The following USP21 variants were observed in gnomAD, a reference collection of about 807,000 sequenced individuals.
USP21 encodes the protein ubiquitin carboxyl-terminal hydrolase 21.
Under a neutral mutation model 70.8 loss-of-function variants are expected in USP21, and 37 were observed. The ratio of observed to expected loss-of-function variants is 0.52; its 90% CI spans 0.40 to 0.69. USP21 has a LOEUF of 0.69. Ranked by LOEUF, USP21 falls within the 30% of genes least tolerant of loss-of-function variation. The pLI, the probability that USP21 is intolerant of heterozygous loss-of-function variation, is 0.00. For missense variants in USP21, 584 were observed against 740.8 expected, an observed-to-expected ratio of 0.79 and a Z score of 2.46; for synonymous variants, 263 against 283.1, an observed-to-expected ratio of 0.93 and a Z score of 0.71.
At position 161,163,948 on chromosome 1, in the gene USP21, G is replaced by A. The variant is rs770696712; in HGVS notation, c.1185G>A (p.Glu395=). ...GTGGGTATCGCTCCACGACCTTCGAGGTTTTTTGTGACCTGTCCCTGCCCA... is the reference window on the plus strand; with the variant it reads ...GTGGGTATCGCTCCACGACCTTCGAAGTTTTTTGTGACCTGTCCCTGCCCA... ...QACGYRSTTF[E]VFCDLSLPIP... The change falls in exon 9 of 14, where the codon GAG becomes GAA. Residue 395 remains glutamate, a synonymous_variant. Transcript: ENST00000368002. The A allele has an allele frequency of 1.1e-5, 18 of 1,614,062 alleles. No individual in the cohort carries two copies. The highest frequency in any genetic ancestry group is 6.8e-6 in the Non-Finnish European group (8 of 1,180,054).
At position 161,164,499 on chromosome 1, in the gene USP21, G is replaced by A. The variant is rs780096307; in HGVS notation, c.1306-35G>A. The A allele has an allele frequency of 5.0e-6, 8 of 1,612,348 alleles. No homozygotes were observed. Among genetic ancestry groups the A allele is most frequent in the South Asian group, 4.4e-5 (4 of 91,034 alleles). On this transcript the variant is annotated intron_variant, in intron 10 of 13. Coordinates refer to ENST00000368002, the MANE Select transcript of USP21 (RefSeq NM_001014443.3). The surrounding 1 kb of genome is among the most constrained non-coding windows in gnomAD (Gnocchi z 4.2). ...TCAGAAAAGCCAATTGAGGTTAGGA[G>A]CATATTAACCTAACACTGTTTGCCA...
In USP21 at chr1:161,161,325, C is replaced by G; in HGVS notation, c.600+85C>G. On this transcript the variant is annotated intron_variant, in intron 3 of 13. Transcript: ENST00000368002. This position sits in a 1 kb window ranked among gnomAD's most constrained non-coding sequence, Gnocchi z 4.2. ...CCTCTGCCTTTTCTGTCCCCCATTT[C>G]CCTGAAGTTCCTTTCTCAGCCCTTC... The G allele has an allele frequency of 6.8e-7, 1 of 1,472,478 alleles. No individual in the cohort carries two copies. The highest frequency in any genetic ancestry group is 1.3e-5 in the South Asian group (1 of 74,164). The allele number at this position is 1,472,478 out of a possible 1,614,324, so 91.2% of individuals were successfully genotyped here.
rs1053221396 is a variant in USP21 at position 161,161,835 on chromosome 1, G to C, written c.601-203G>C. 3.3e-6 allele frequency: 2 copies of C among 612,058 alleles called. No homozygotes were observed. The highest frequency in any genetic ancestry group is 3.7e-5 in the African/African-American group (2 of 54,416). 37.9% of individuals were successfully genotyped at this position (612,058 alleles called of 1,614,324 possible). A position where few individuals can be genotyped will look rare whatever the true frequency, so the allele number is the denominator to read the frequency against. Reference sequence around the variant, plus strand: ...CAACAGGTGGGACAGCCATGGCTGAGTCCGTGGTACATTCAGCTGTGATGG... The same window carrying C: ...CAACAGGTGGGACAGCCATGGCTGACTCCGTGGTACATTCAGCTGTGATGG... On this transcript the variant is annotated intron_variant, in intron 3 of 13. Transcript: ENST00000368002. This position sits in a 1 kb window ranked among gnomAD's most constrained non-coding sequence, Gnocchi z 4.2.
In USP21 at chr1:161,163,771, T is replaced by C. The variant is rs1277125299; in HGVS notation, c.1115-107T>C. On this transcript the variant is annotated intron_variant, in intron 8 of 13. Transcript: ENST00000368002. ...AAGAGTTGATTAGGAGTGTTGGTAG[T>C]GGGAAAGGAAGGGTCAAGCAAAGGG... 10 of 1,343,990 alleles carry C rather than the reference T, an allele frequency of 7.4e-6. No homozygotes were observed. In the East Asian group the frequency reaches 1.8e-4, roughly 25 times the overall value. 83.3% of individuals were successfully genotyped at this position (1,343,990 alleles called of 1,614,324 possible).
intron 1 of USP21, among the ~76,000 whole-genome samples, chr1:161,159,894 G>A (rs1422247718): frequency 6.6e-6 from 1 of 152,204 alleles, no homozygotes; most frequent in South Asian, 2.1e-4. Context: ...GAGGGGGGCG[G>A]ACCCGGCTAA....
intron 8 of USP21, 26 bp from the exon 9 acceptor site, chr1:161,163,852 T>C: frequency 6.3e-7 from 1 of 1,598,758 alleles, no homozygotes; most frequent in Non-Finnish European, 8.6e-7. Flanking sequence ...AATGACCTTT[T>C]CTCCTGTCCC....
intron 13 of USP21, 33 bp from the exon 14 acceptor site, chr1:161,165,324 C>T (rs917052866): frequency 1.3e-6 from 2 of 1,597,148 alleles, no homozygotes; most frequent in East Asian, 2.2e-5. Flanking sequence ...ACAGGAATGA[C>T]CACAACCCTT....
intron 2 of USP21, 24 bp from the exon 3 acceptor site, chr1:161,160,596 G>C: frequency 6.3e-7 from 1 of 1,583,744 alleles, no homozygotes; most frequent in Non-Finnish European, 8.6e-7. Flanking sequence ...ATATTCAAAT[G>C]CTGACACTCT....
chr1:161,160,493 C>T lies in USP21; in HGVS notation c.-35C>T, dbSNP rs1657818620. The T allele has an allele frequency of 9.9e-7, 1 of 1,009,926 alleles. No individual in the cohort carries two copies. Among genetic ancestry groups the T allele is most frequent in the Admixed American group, 2.2e-5 (1 of 45,296 alleles). 62.6% of individuals were successfully genotyped at this position (1,009,926 alleles called of 1,614,324 possible). The stretch of plus-strand genomic sequence containing the variant: ...ACCACCTAATGTGGAAATGAGAGGA[C>T]AGCAAGATTGTGGGTATGGAATGGG... On this transcript the variant is annotated 5_prime_UTR_variant, in exon 2 of 14. It introduces an in-frame stop codon into an upstream open reading frame of the 5' UTR. Coordinates refer to ENST00000368002, the MANE Select transcript of USP21 (RefSeq NM_001014443.3).
In USP21 at chr1:161,162,885, G is replaced by A; in HGVS notation, c.894-34G>A. 6.3e-7 allele frequency: 1 copy of A among 1,599,034 alleles called. No homozygotes were observed. The highest frequency in any genetic ancestry group is 1.3e-5 in the African/African-American group (1 of 74,568). Reference sequence around the variant, plus strand: ...GAATAGTGTCTGTGGACTAGGAGAGGAGTCAGTTGCCCATACTCTTTGTCT... The same window carrying A: ...GAATAGTGTCTGTGGACTAGGAGAGAAGTCAGTTGCCCATACTCTTTGTCT... On this transcript the variant is annotated intron_variant, in intron 6 of 13. Coordinates refer to ENST00000368002, the MANE Select transcript of USP21 (RefSeq NM_001014443.3). This position sits in a 1 kb window ranked among gnomAD's most constrained non-coding sequence, Gnocchi z 4.1.
Position 161,163,587 on chromosome 1 carries a change from G to A in USP21, c.1082G>A (p.Arg361His), listed in dbSNP as rs1374428530. 2 of 1,612,792 alleles carry A rather than the reference G, an allele frequency of 1.2e-6. No individual in the cohort carries two copies. The highest frequency in any genetic ancestry group is 1.3e-5 in the African/African-American group (1 of 74,668). Residue 361 changes from arginine to histidine, a missense_variant, in exon 8 of 14, where the codon CGT becomes CAT. Arg to His is a conservative substitution (Grantham distance 29, BLOSUM62 0). This residue lies in a region of USP21 where 173 missense variants were observed against 268.2 expected (regional missense o/e 0.65). Coordinates refer to ENST00000368002, the MANE Select transcript of USP21 (RefSeq NM_001014443.3). The part of the protein sequence containing the change: ...DDDRANLMWK[R>H]YLEREDSKIV... ...GACCGAGCCAACCTAATGTGGAAAC[G>A]TTACCTGGAGCGAGAGGACAGCAAG... is the stretch of plus-strand genomic sequence containing the variant.
Position 161,160,368 on chromosome 1 carries a change from A to C in USP21, c.-160A>C. ...CTTTGTACCAAACACGATGCCAGGT[A>C]CTGGGGATACGATGGCTGATTCGAT... On this transcript the variant is annotated splice_region_variant and 5_prime_UTR_variant, in exon 2 of 14. Coordinates refer to ENST00000368002, the MANE Select transcript of USP21 (RefSeq NM_001014443.3). 1 of 532,800 alleles carries C rather than the reference A, an allele frequency of 1.9e-6. No homozygotes were observed. The highest frequency in any genetic ancestry group is 3.4e-6 in the Non-Finnish European group (1 of 291,906). 33.0% of individuals were successfully genotyped at this position (532,800 alleles called of 1,614,324 possible).
Position 161,163,927 on chromosome 1 carries a change from G to A in USP21, c.1164G>A (p.Gly388=). The part of the protein sequence containing the change: ...LKSCLKCQAC[G]YRSTTFEVFC... ...GTTGTCTCAAGTGCCAGGCCTGTGG[G>A]TATCGCTCCACGACCTTCGAGGTTT... The change falls in exon 9 of 14, where the codon GGG becomes GGA. Residue 388 remains glycine (G), a synonymous_variant. Transcript: ENST00000368002. 1.2e-6 allele frequency: 2 copies of A among 1,614,180 alleles called. No homozygotes were observed. The highest frequency in any genetic ancestry group is 1.7e-6 in the Non-Finnish European group (2 of 1,180,036).
rs529380427 is a variant in USP21, at chr1:161,163,709, G to A, written c.1114+90G>A. 16 of 1,437,862 alleles carry A rather than the reference G, an allele frequency of 1.1e-5. No individual in the cohort carries two copies. The East Asian group carries it at 3.4e-4, about 31-fold the overall frequency. 89.1% of individuals were successfully genotyped at this position (1,437,862 alleles called of 1,614,324 possible). A position where few individuals can be genotyped will look rare whatever the true frequency, so the allele number is the denominator to read the frequency against. On this transcript the variant is annotated intron_variant, in intron 8 of 13. Transcript: ENST00000368002. ...AAAATCGATACTATCAAGGGGTATG[G>A]GAACAAGACTGGATGATGCAAATGT...
rs772532830 is a variant in USP21, at chr1:161,164,790, C to T, written c.1385-45C>T. The T allele has an allele frequency of 5.6e-6, 9 of 1,600,928 alleles. No individual in the cohort carries two copies. In the African/African-American group the frequency reaches 1.1e-4, roughly 19 times the overall value. ...AGCTTTCAGGATAGAAGAAGTTCCC[C>T]TCAGAGGCCCACTGCCTCCCAAATG... On this transcript the variant is annotated intron_variant, in intron 11 of 13. Coordinates refer to ENST00000368002, the MANE Select transcript of USP21 (RefSeq NM_001014443.3). This position sits in a 1 kb window ranked among gnomAD's most constrained non-coding sequence, Gnocchi z 4.2.
Position 161,161,265 on chromosome 1 carries a change from C to T in USP21, c.600+25C>T, listed in dbSNP as rs1236483709. ...GGTGAGGACTTGCCACACACATGGC[C>T]TTCATGCCCATGTTCCTCTGTGCTT... On this transcript the variant is annotated intron_variant, in intron 3 of 13. Transcript: ENST00000368002. This position sits in a 1 kb window ranked among gnomAD's most constrained non-coding sequence, Gnocchi z 4.2. The T allele has an allele frequency of 1.3e-6, 2 of 1,558,138 alleles. No homozygotes were observed. Among genetic ancestry groups the T allele is most frequent in the Admixed American group, 1.8e-5 (1 of 55,708 alleles).
intron 13 of USP21, 104 bp from the exon 14 acceptor site, chr1:161,165,253 G>A (rs1021396806): frequency 2.1e-6 from 3 of 1,413,138 alleles, no homozygotes; most frequent in Non-Finnish European, 3.0e-6. Flanking sequence ...GAGAGGTGGA[G>A]GTCTTGCCTG....
chr1:161,162,052 C>T lies in USP21; in HGVS notation c.615C>T (p.Leu205=), dbSNP rs1657966986. ...TGACCTTCCAGGCTCATCACACACT[C>T]CTTCTGGGCTCTGGTCATGTTGGCC... ...YSDDKMAHHT[L]LLGSGHVGLR... The change falls in exon 4 of 14, where the codon CTC becomes CTT. Residue 205 remains leucine (L), a synonymous_variant. Coordinates refer to ENST00000368002, the MANE Select transcript of USP21 (RefSeq NM_001014443.3). The surrounding 1 kb of genome is among the most constrained non-coding windows in gnomAD (Gnocchi z 4.1). 1.2e-6 allele frequency: 2 copies of T among 1,614,066 alleles called. No individual in the cohort carries two copies. Among genetic ancestry groups the T allele is most frequent in the Non-Finnish European group, 1.7e-6 (2 of 1,180,040 alleles).
Position 161,161,845 on chromosome 1 carries a change from C to T in USP21, c.601-193C>T, listed in dbSNP as rs773272014. 12 of 623,118 alleles carry T rather than the reference C, an allele frequency of 1.9e-5. No homozygotes were observed. The highest frequency in any genetic ancestry group is 3.5e-5 in the Non-Finnish European group (12 of 345,268). The allele number at this position is 623,118 out of a possible 1,614,324, so 38.6% of individuals were successfully genotyped here. ...GACAGCCATGGCTGAGTCCGTGGTA[C>T]ATTCAGCTGTGATGGGCTTACTGCT... On this transcript the variant is annotated intron_variant, in intron 3 of 13. Coordinates refer to ENST00000368002, the MANE Select transcript of USP21 (RefSeq NM_001014443.3). This position sits in a 1 kb window ranked among gnomAD's most constrained non-coding sequence, Gnocchi z 4.2.
Sources: allele counts gnomAD v4.1 joint callset (sites outside exome capture counted in the v4.1 genomes callset), GRCh38; gene constraint gnomAD v4.1.1; regional missense constraint gnomAD v4.1.1; non-coding constraint Gnocchi (gnomAD v3.1); transcripts MANE v1.5; gene names NCBI Gene and HGNC (gene_info 2026-07-23, HGNC 2026-07-21).